ARRB1: variants seen among roughly 807,000 people sequenced by gnomAD.
ARRB1 encodes arrestin beta 1.
ARRB1 carries 21 observed loss-of-function variants against 56.8 expected under a neutral mutation model. The ratio of observed to expected loss-of-function variants is 0.37; its 90% CI spans 0.26 to 0.53. The LOEUF is 0.53. Among genes scored for constraint, ARRB1 ranks in the 20% least tolerant of loss-of-function variants. The pLI is 0.88. For synonymous variants in ARRB1, 210 were observed against 218.6 expected (o/e 0.96, Z 0.35); for missense variants, 424 against 553.7 (o/e 0.77, Z 2.35).
chr11:75,333,396 C>G (rs1947550367), intron 1 of ARRB1, among the ~76,000 whole-genome samples: 1 of 152,194 alleles, frequency 6.6e-6, no homozygotes, highest in Admixed American at 6.5e-5. Context: ...CCAACCAGTT[C>G]AGGGTGTATT....
intron 5 of ARRB1, 107 bp downstream of exon 5, chr11:75,283,180 T>A (rs1946387679): frequency 8.4e-7 from 1 of 1,189,528 alleles, no homozygotes; most frequent in Admixed American, 2.5e-5. Context: ...ACTGGGAAAC[T>A]GGGTGGCAGG....
chr11:75,278,889 T>A (rs1946261585), intron 7 of ARRB1, 145 bp from the exon 8 acceptor site: 1 of 1,181,192 alleles, frequency 8.5e-7, no homozygotes, highest in African/African-American at 1.6e-5. Context: ...GAGATCAGCA[T>A]AGGGGTCTGT....
chr11:75,302,153 A>C (rs979280387), intron 1 of ARRB1, among the ~76,000 whole-genome samples: 4 of 151,956 alleles, frequency 2.6e-5, no homozygotes, highest in African/African-American at 9.7e-5. Flanking sequence ...CCCAGGGCAC[A>C]GGGCAGTGCC....
chr11:75,339,034 T>C (rs557878171), intron 1 of ARRB1, among the ~76,000 whole-genome samples: 34 of 152,350 alleles, frequency 2.2e-4, no homozygotes, highest in African/African-American at 8.2e-4. Flanking sequence ...CCCAGCCTGC[T>C]GCCTCCTCTC....
At chr11:75,331,098 G>A (rs1947512904) in intron 1 of ARRB1, among the ~76,000 whole-genome samples, 1 of 152,178 alleles carries the variant, frequency 6.6e-6, no homozygotes, top group African/African-American at 2.4e-5. Flanking sequence ...CGCAACCTCC[G>A]CCTCCCAGGT....
chr11:75,340,317 G>A (rs1370679135), intron 1 of ARRB1, among the ~76,000 whole-genome samples: 9 of 152,190 alleles, frequency 5.9e-5, no homozygotes, highest in Admixed American at 4.6e-4. Context: ...CTGCACTGAG[G>A]AAGCATACAT....
At chr11:75,317,040 G>A (rs940823954) in intron 1 of ARRB1, among the ~76,000 whole-genome samples, 7 of 152,194 alleles carry the variant, frequency 4.6e-5, no homozygotes, top group African/African-American at 1.4e-4. Context: ...CTGCCCTCCA[G>A]CCTGGGCAAC....
At chr11:75,324,731 G>C (rs1947404078) in intron 1 of ARRB1, among the ~76,000 whole-genome samples, 1 of 152,186 alleles carries the variant, frequency 6.6e-6, no homozygotes, top group South Asian at 2.1e-4. Context: ...TTCCCTTTCT[G>C]CTGCGACTTT....
chr11:75,304,399 C>T (rs1054536370), intron 1 of ARRB1, among the ~76,000 whole-genome samples: 1 of 151,876 alleles, frequency 6.6e-6, no homozygotes, highest in Non-Finnish European at 1.5e-5. Context: ...AATCTAAGGC[C>T]TAAGGTGCCA....
intron 13 of ARRB1, 88 bp from the exon 14 acceptor site, chr11:75,269,047 C>G: frequency 6.9e-7 from 1 of 1,441,882 alleles, no homozygotes; most frequent in Non-Finnish European, 9.7e-7. Context: ...CCGAGGACTG[C>G]AGAGGGTTTT....
At chr11:75,314,819 C>G (rs1490805744) in intron 1 of ARRB1, among the ~76,000 whole-genome samples, 3 of 151,896 alleles carry the variant, frequency 2.0e-5, no homozygotes. Flanking sequence ...GTTGCCCAGG[C>G]TGGTCTCAAA....
chr11:75,277,913 C>T (rs1946236375), intron 8 of ARRB1, among the ~76,000 whole-genome samples: 1 of 152,250 alleles, frequency 6.6e-6, no homozygotes, highest in South Asian at 2.1e-4. Context: ...GCCTCAGGGT[C>T]TCCCTCTGTG....
intron 1 of ARRB1, among the ~76,000 whole-genome samples, chr11:75,351,175 G>A (rs548777962): frequency 6.6e-6 from 1 of 152,376 alleles, no homozygotes; most frequent in East Asian, 1.9e-4. Context: ...GCAAGAATGT[G>A]TTGACCGAGG....
intron 13 of ARRB1, among the ~76,000 whole-genome samples, chr11:75,269,626 G>A (rs914807834): frequency 3.9e-5 from 6 of 152,226 alleles, no homozygotes; most frequent in African/African-American, 1.4e-4. Context: ...GACAGAATAA[G>A]AGAAGGTATT....
At chr11:75,278,269 G>A (rs1000160283) in intron 8 of ARRB1, among the ~76,000 whole-genome samples, 3 of 152,144 alleles carry the variant, frequency 2.0e-5, no homozygotes, top group Non-Finnish European at 4.4e-5. Context: ...GCCCCCCACC[G>A]TGCCCCCTCT....
chr11:75,285,863 C>T (rs1946457030), intron 3 of ARRB1, among the ~76,000 whole-genome samples: 1 of 152,186 alleles, frequency 6.6e-6, no homozygotes, highest in Non-Finnish European at 1.5e-5. Context: ...CATGGACAAC[C>T]CTGGCCTCAG....
chr11:75,296,577 G>T (rs1026943466), intron 1 of ARRB1, among the ~76,000 whole-genome samples: 1 of 152,110 alleles, frequency 6.6e-6, no homozygotes, highest in Non-Finnish European at 1.5e-5. Flanking sequence ...GCCTGTCAGG[G>T]AGAGGGCTAC....
chr11:75,287,628 G>A (rs1565117669), intron 2 of ARRB1, among the ~76,000 whole-genome samples: 1 of 152,204 alleles, frequency 6.6e-6, no homozygotes, highest in Non-Finnish European at 1.5e-5. Flanking sequence ...TACAGATGAG[G>A]ACACTGAGGC....
chr11:75,277,338 C>A (rs750913395), intron 9 of ARRB1, 26 bp downstream of exon 9: 2 of 1,608,472 alleles, frequency 1.2e-6, no homozygotes, highest in African/African-American at 2.7e-5. Context: ...TCGCTGTCCC[C>A]TAAGCTGACC....
Sources: allele counts gnomAD v4.1 joint callset (sites outside exome capture counted in the v4.1 genomes callset), GRCh38; gene constraint gnomAD v4.1.1; transcripts MANE v1.5; gene names NCBI Gene and HGNC (gene_info 2026-07-23, HGNC 2026-07-21).